PLEKHA7: variants seen among roughly 807,000 people sequenced by gnomAD.
PLEKHA7 encodes pleckstrin homology domain-containing family A member 7.
A neutral mutation model predicts 170.0 loss-of-function variants in PLEKHA7; 104 were observed. That is an observed-to-expected ratio of 0.61 (90% confidence interval 0.52 to 0.72). PLEKHA7 has a LOEUF of 0.72. Ranked by LOEUF, PLEKHA7 falls within the 30% of genes least tolerant of loss-of-function variation. The probability of loss-of-function intolerance (pLI) is 0.00; values close to 1 mark genes in which losing one functional copy is unlikely to be tolerated. For synonymous variants in PLEKHA7, 648 were observed against 660.8 expected (o/e 0.98, Z 0.30); for missense variants, 1,615 against 1,671.7 (o/e 0.97, Z 0.59).
At chr11:16,876,697 A>G (rs1461712322) in intron 3 of PLEKHA7, among the ~76,000 whole-genome samples, 2 of 152,256 alleles carry the variant, frequency 1.3e-5, no homozygotes, top group Non-Finnish European at 2.9e-5. Flanking sequence ...TTTAAGTTCA[A>G]TGTAAGACAG....
intron 3 of PLEKHA7, among the ~76,000 whole-genome samples, chr11:17,010,709 T>A (rs1056416595): frequency 6.6e-6 from 1 of 152,200 alleles, no homozygotes; most frequent in African/African-American, 2.4e-5. Flanking sequence ...AAGGAGCCAT[T>A]AGGAAAAATA....
chr11:16,939,270 C>G (rs1265108516), intron 3 of PLEKHA7, among the ~76,000 whole-genome samples: 1 of 152,024 alleles, frequency 6.6e-6, no homozygotes, highest in Non-Finnish European at 1.5e-5. Context: ...AAAAATTAGC[C>G]AGGTGTGGTG....
intron 15 of PLEKHA7, 78 bp downstream of exon 15, chr11:16,802,894 G>C (rs936079362): frequency 8.3e-7 from 1 of 1,205,668 alleles, no homozygotes; most frequent in South Asian, 1.2e-5. Flanking sequence ...CTAACATGAG[G>C]GTCCAGCCTA....
intron 3 of PLEKHA7, among the ~76,000 whole-genome samples, chr11:16,896,886 C>G (rs896171974): frequency 6.6e-6 from 1 of 151,946 alleles, no homozygotes; most frequent in Admixed American, 6.5e-5. Flanking sequence ...CCTTTAGAAG[C>G]CTTCCACGAT....
At chr11:16,804,973 A>C (rs572847064) in intron 13 of PLEKHA7, among the ~76,000 whole-genome samples, 5 of 152,216 alleles carry the variant, frequency 3.3e-5, no homozygotes, top group Admixed American at 6.5e-5. Flanking sequence ...TCTCAGGCAG[A>C]ATGTGGGTTT....
At chr11:16,796,457 G>C (rs1564920256) in intron 17 of PLEKHA7, among the ~76,000 whole-genome samples, 2 of 152,144 alleles carry the variant, frequency 1.3e-5, no homozygotes, top group Non-Finnish European at 2.9e-5. Context: ...GTCCAGACTA[G>C]TCAAATCAGT....
At chr11:16,807,258 G>GT (rs1849053023) in intron 13 of PLEKHA7, 1 of 916,430 alleles carries the variant, frequency 1.1e-6, no homozygotes, top group Non-Finnish European at 1.3e-6. Flanking sequence ...ACAACAAAAC[G>GT]TAACAGGTGA....
In PLEKHA7 at chr11:16,778,861, C is replaced by A. The variant is rs1035571029; in HGVS notation, c.*137G>T. 2.8e-5 allele frequency: 19 copies of A among 682,618 alleles called. No homozygotes were observed. The highest frequency in any genetic ancestry group is 5.1e-5 in the Non-Finnish European group (19 of 374,416). The allele number at this position is 682,618 out of a possible 1,614,324, so 42.3% of individuals were successfully genotyped here. On this transcript the variant is annotated 3_prime_UTR_variant, in exon 27 of 27. Transcript: ENST00000531066. ...GGGCCTGGCCTGTGGTGAACACCCG[C>A]AGTCGGTAAGCTGCTCCTTCCTCCG...
rs1335363802 is a variant in PLEKHA7, at chr11:16,826,165, G to T, written c.1298C>A (p.Ala433Asp). 3 of 1,614,176 alleles carry T rather than the reference G, an allele frequency of 1.9e-6. No individual in the cohort carries two copies. Among genetic ancestry groups the T allele is most frequent in the Middle Eastern group, 1.7e-4 (1 of 6,060 alleles). ...EKHSQRKSNL[A>D]QVEHWARAQK... Reference sequence around the variant, plus strand: ...GGCCCTTGCCCAGTGCTCCACCTGGGCCAGATTGCTCTTCCTTTGGCTGTG... The same window carrying T: ...GGCCCTTGCCCAGTGCTCCACCTGGTCCAGATTGCTCTTCCTTTGGCTGTG... The change falls in exon 10 of 27, where the codon GCC becomes GAC. Residue 433 changes from alanine to aspartate, a missense_variant. Coordinates refer to ENST00000531066, the MANE Select transcript of PLEKHA7 (RefSeq NM_001329630.2).
intron 3 of PLEKHA7, among the ~76,000 whole-genome samples, chr11:16,916,507 A>G (rs1477866418): frequency 6.6e-6 from 1 of 152,206 alleles, no homozygotes; most frequent in Non-Finnish European, 1.5e-5. Context: ...GATGAGGAAA[A>G]CAGTCCCTAC....
Position 17,014,339 on chromosome 11 carries a change from C to T in PLEKHA7, c.63G>A (p.Arg21=). ...LPEHWSYGVC[R]DGRVFFINDQ... is the part of the protein sequence containing the mutation. Reference sequence around the variant, plus strand: ...ACTTGATGAAGAAGACGCGGCCATCCCGGCACACCCCGTAGGACCAATGCT... The same window carrying T: ...ACTTGATGAAGAAGACGCGGCCATCTCGGCACACCCCGTAGGACCAATGCT... The change falls in exon 1 of 27, where the codon CGG becomes CGA. Residue 21 remains arginine, a synonymous_variant. Transcript: ENST00000531066. The T allele has an allele frequency of 6.9e-7, 1 of 1,450,530 alleles. No individual in the cohort carries two copies. Among genetic ancestry groups the T allele is most frequent in the Non-Finnish European group, 9.1e-7 (1 of 1,097,186 alleles). 89.9% of individuals were successfully genotyped at this position (1,450,530 alleles called of 1,614,324 possible).
intron 26 of PLEKHA7, among the ~76,000 whole-genome samples, chr11:16,780,681 C>T (rs217760): frequency 0.71 from 108,608 of 152,176 alleles, 39,173 homozygotes; most frequent in East Asian, 0.77. Context: ...GGCACAGTTC[C>T]GGTTCTAGAG....
At chr11:17,007,481 C>A (rs1438130510) in intron 3 of PLEKHA7, among the ~76,000 whole-genome samples, 1 of 151,962 alleles carries the variant, frequency 6.6e-6, no homozygotes, top group Non-Finnish European at 1.5e-5. Context: ...CGCCACCATG[C>A]CCATAAATAG....
At chr11:17,002,837 C>A (rs1864749300) in intron 3 of PLEKHA7, among the ~76,000 whole-genome samples, 1 of 149,478 alleles carries the variant, frequency 6.7e-6, no homozygotes, top group Admixed American at 7.0e-5. Context: ...CTCAGACTCA[C>A]CCACTGTTAA....
intron 3 of PLEKHA7, among the ~76,000 whole-genome samples, chr11:16,913,126 A>G (rs1858371329): frequency 6.6e-6 from 1 of 152,122 alleles, no homozygotes. Context: ...CGGATTTCCT[A>G]TTACCAGAAT....
At chr11:16,947,259 C>G (rs1268103683) in intron 3 of PLEKHA7, among the ~76,000 whole-genome samples, 7 of 152,136 alleles carry the variant, frequency 4.6e-5, no homozygotes. Flanking sequence ...TAAATTCGTA[C>G]AGCCATTATT....
intron 26 of PLEKHA7, among the ~76,000 whole-genome samples, chr11:16,780,229 C>T (rs1848923220): frequency 6.6e-6 from 1 of 152,228 alleles, no homozygotes; most frequent in Non-Finnish European, 1.5e-5. Flanking sequence ...CAAGAACTCA[C>T]TTGAGACTGG....
Position 16,941,720 on chromosome 11 carries a change from C to T in PLEKHA7, c.222-70538G>A, listed in dbSNP as rs751328414. Among the ~76,000 whole-genome samples the T allele has an allele frequency of 4.2e-4, 64 of 152,076 alleles. 1 individual carries two copies. The Middle Eastern group carries it at 0.01, about 24-fold the overall frequency. On this transcript the variant is annotated intron_variant, in intron 3 of 26. Transcript: ENST00000531066. ...GCCTCAGTGAGTTTATGTAGCTTGC[C>T]CAAGATTATACCATGAAGAAGTGGG...
intron 4 of PLEKHA7, among the ~76,000 whole-genome samples, chr11:16,868,144 T>C (rs1854540202): frequency 6.6e-6 from 1 of 152,186 alleles, no homozygotes; most frequent in South Asian, 2.1e-4. Flanking sequence ...CTGTGGTCCC[T>C]AAGCCAGGTT....
Sources: allele counts gnomAD v4.1 joint callset (sites outside exome capture counted in the v4.1 genomes callset), GRCh38; gene constraint gnomAD v4.1.1; transcripts MANE v1.5; gene names NCBI Gene and HGNC (gene_info 2026-07-23, HGNC 2026-07-21).